STX1A: variants seen among roughly 807,000 people sequenced by gnomAD.
The protein encoded by STX1A is syntaxin-1A.
STX1A carries 4 observed loss-of-function variants against 37.8 expected under a neutral mutation model. The observed-to-expected ratio is 0.11, with a 90% confidence interval of 0.05 to 0.24. The LOEUF is 0.24. Among genes scored for constraint, STX1A ranks in the 10% least tolerant of loss-of-function variants. The pLI, the probability that STX1A is intolerant of heterozygous loss-of-function variation, is 1.00. For synonymous variants in STX1A, 135 were observed against 147.4 expected, an observed-to-expected ratio of 0.92 and a Z score of 0.61; for missense variants, 251 against 399.9, an observed-to-expected ratio of 0.63 and a Z score of 3.18.
In STX1A at chr7:73,704,136, C is replaced by CCCCCAGCTCACTGAT; in HGVS notation, c.463_466+11dup. 6.2e-7 allele frequency: 1 copy of CCCCCAGCTCACTGAT among 1,601,826 alleles called. No homozygotes were observed. The highest frequency in any genetic ancestry group is 8.5e-7 in the Non-Finnish European group (1 of 1,177,368). Reference sequence around the variant, plus strand: ...GCTCCAGGCCCCGCCCCAGGCCCCACCCCCAGCTCACTGATCTCCAGCTGC... The same window carrying CCCCCAGCTCACTGAT: ...GCTCCAGGCCCCGCCCCAGGCCCCACCCCCAGCTCACTGATCCCCAGCTCACTGATCTCCAGCTGC... On this transcript the variant is annotated intron_variant, in intron 6 of 9. Coordinates refer to ENST00000222812, the MANE Select transcript of STX1A (RefSeq NM_004603.4).
chr7:73,701,354 T>A (rs1798647316), intron 8 of STX1A: 1 of 179,318 alleles, frequency 5.6e-6, no homozygotes, highest in Admixed American at 5.6e-5. Flanking sequence ...AAACCCCATC[T>A]CTACTAAAAA....
chr7:73,707,855 A>C (rs1798931176), intron 3 of STX1A, among the ~76,000 whole-genome samples: 1 of 150,216 alleles, frequency 6.7e-6, no homozygotes, highest in African/African-American at 2.5e-5. Context: ...GAATTGCTTG[A>C]ACCTGGGAGG....
At chr7:73,708,261 TC>T (rs1364457629) in intron 3 of STX1A, among the ~76,000 whole-genome samples, 4 of 73,632 alleles carry the variant, frequency 5.4e-5, no homozygotes, top group African/African-American at 1.1e-4. Flanking sequence ...AGACTCCATC[TC>T]AAAAAAAAAA....
chr7:73,703,048 GGA>G, intron 7 of STX1A, 66 bp from the exon 8 acceptor site: 1 of 1,328,198 alleles, frequency 7.5e-7, no homozygotes, highest in Non-Finnish European at 1.0e-6. Flanking sequence ...GGGCCGAGGG[GGA>G]GGGCGTTTGG....
chr7:73,708,964 G>A, intron 2 of STX1A, 81 bp downstream of exon 2: 4 of 1,473,906 alleles, frequency 2.7e-6, no homozygotes, highest in Non-Finnish European at 3.8e-6. Flanking sequence ...GTGTGAAAGA[G>A]CACTGAACCT....
Position 73,700,051 on chromosome 7 carries a change from G to C in STX1A, c.*356C>G, listed in dbSNP as rs570934770. The C allele has an allele frequency of 2.7e-6, 1 of 370,078 alleles. No homozygotes were observed. Among genetic ancestry groups the C allele is most frequent in the East Asian group, 6.0e-5 (1 of 16,752 alleles). The allele number at this position is 370,078 out of a possible 1,614,324, so 22.9% of individuals were successfully genotyped here. On this transcript the variant is annotated 3_prime_UTR_variant, in exon 10 of 10. Transcript: ENST00000222812. This position sits in a 1 kb window ranked among gnomAD's most constrained non-coding sequence, Gnocchi z 4.4. ...ACAGGGCAGGTCAGCTGGAGGCGAGGTTAGGGTCCCCAGGGAAGAGCAGAA... is the reference window on the plus strand; with the variant it reads ...ACAGGGCAGGTCAGCTGGAGGCGAGCTTAGGGTCCCCAGGGAAGAGCAGAA...
rs979177304 is a variant in STX1A at position 73,702,153 on chromosome 7, C to T, written c.678+692G>A. 1.3e-5 allele frequency among the ~76,000 whole-genome samples: 2 copies of T among 152,176 alleles called. No homozygotes were observed. Among genetic ancestry groups the T allele is most frequent in the Non-Finnish European group, 2.9e-5 (2 of 68,022 alleles). On this transcript the variant is annotated intron_variant, in intron 8 of 9. Transcript: ENST00000222812. The surrounding 1 kb of genome is among the most constrained non-coding windows in gnomAD (Gnocchi z 4.7). ...TGCTGGGGCCAGCTCTTCATCTCCG[C>T]TGCGAAGTCTTCACAGCTGGCTCCT...
At chr7:73,719,572 C>T (rs1358698722) in intron 1 of STX1A, 30 bp downstream of exon 1, 1 of 1,207,344 alleles carries the variant, frequency 8.3e-7, no homozygotes, top group Non-Finnish European at 1.0e-6. Flanking sequence ...CGGCGGGCGG[C>T]GGGCGGCCGC....
At chr7:73,701,045 C>T (rs1035871366) in intron 8 of STX1A, 4 of 961,866 alleles carry the variant, frequency 4.2e-6, no homozygotes, top group Non-Finnish European at 6.0e-6. Context: ...TCCCACATTT[C>T]CCCGCAGAGC....
Position 73,705,122 on chromosome 7 carries a change from C to G in STX1A, c.283+28G>C, listed in dbSNP as rs367990845. ...GAGGAAGCAGGCCTAGAATGCCCCC[C>G]ACCCACCCCCAGACAAGCCTGACTC... On this transcript the variant is annotated intron_variant, in intron 4 of 9. Coordinates refer to ENST00000222812, the MANE Select transcript of STX1A (RefSeq NM_004603.4). This position sits in a 1 kb window ranked among gnomAD's most constrained non-coding sequence, Gnocchi z 5.2. 1 of 1,610,142 alleles carries G rather than the reference C, an allele frequency of 6.2e-7. No individual in the cohort carries two copies. Among genetic ancestry groups the G allele is most frequent in the Non-Finnish European group, 8.5e-7 (1 of 1,176,360 alleles).
chr7:73,707,660 G>A (rs782204832), intron 3 of STX1A, among the ~76,000 whole-genome samples: 5 of 152,360 alleles, frequency 3.3e-5, no homozygotes, highest in Non-Finnish European at 5.9e-5. Flanking sequence ...GGGGCTGGGC[G>A]TGGGGGCTCA....
At chr7:73,719,228 A>G (rs1052410131) in intron 1 of STX1A, among the ~76,000 whole-genome samples, 1 of 152,014 alleles carries the variant, frequency 6.6e-6, no homozygotes, top group South Asian at 2.1e-4. Flanking sequence ...GGGAGGTCAG[A>G]GATGAGGGGC....
At chr7:73,708,912 G>A (rs982580882) in intron 2 of STX1A, 133 bp downstream of exon 2, 12 of 1,037,500 alleles carry the variant, frequency 1.2e-5, no homozygotes, top group African/African-American at 7.8e-5. Context: ...CCCTCAAAAC[G>A]GTTCATTCGT....
At chr7:73,711,373 T>C (rs1554617897) in intron 1 of STX1A, 1 of 151,710 alleles carries the variant, frequency 6.6e-6, no homozygotes, top group African/African-American at 2.5e-5. Flanking sequence ...GGAGAGGGGG[T>C]AGTTAGGAGC....
At chr7:73,711,081 C>T (rs923908921) in intron 1 of STX1A, among the ~76,000 whole-genome samples, 4 of 152,144 alleles carry the variant, frequency 2.6e-5, no homozygotes, top group Non-Finnish European at 5.9e-5. Flanking sequence ...CTCAACCTCC[C>T]GGGCTCAAGC....
At chr7:73,708,442 C>T (rs1380364740) in intron 3 of STX1A, 147 bp downstream of exon 3, 23 of 717,368 alleles carry the variant, frequency 3.2e-5, no homozygotes, top group Non-Finnish European at 4.8e-5. Context: ...CAAGGCTTCT[C>T]GTGAAACCCT....
intron 6 of STX1A, 158 bp downstream of exon 6, chr7:73,703,990 A>G: frequency 2.9e-6 from 1 of 344,980 alleles, no homozygotes; most frequent in Non-Finnish European, 3.7e-6. Context: ...CAGCCGCCTC[A>G]GGCCCCCGCC....
rs567428351 is a variant in STX1A, at chr7:73,708,573, C to G, written c.208+16G>C. 8.1e-6 allele frequency: 13 copies of G among 1,609,902 alleles called. No homozygotes were observed. The highest frequency in any genetic ancestry group is 1.1e-5 in the Non-Finnish European group (13 of 1,177,708). ...CTTGTGGGGCCTGAAACCCGTCCCC[C>G]GCCCCACACACTCACTCTCATCGGG... On this transcript the variant is annotated intron_variant, in intron 3 of 9. Coordinates refer to ENST00000222812, the MANE Select transcript of STX1A (RefSeq NM_004603.4).
intron 1 of STX1A, among the ~76,000 whole-genome samples, chr7:73,713,684 C>T (rs1357767551): frequency 2.6e-5 from 4 of 152,294 alleles, no homozygotes; most frequent in South Asian, 2.1e-4. Context: ...GAGCTATGAT[C>T]GTGCCATTGC....
Sources: allele counts gnomAD v4.1 joint callset (sites outside exome capture counted in the v4.1 genomes callset), GRCh38; gene constraint gnomAD v4.1.1; non-coding constraint Gnocchi (gnomAD v3.1); transcripts MANE v1.5; gene names NCBI Gene and HGNC (gene_info 2026-07-23, HGNC 2026-07-21).